The following AFF2 variants were observed in gnomAD, a reference collection of about 807,000 sequenced individuals.
AFF2 encodes AF4/FMR2 family member 2.
A neutral mutation model predicts 76.9 loss-of-function variants in AFF2; 14 were observed. That is an observed-to-expected ratio of 0.18 (90% CI 0.12 to 0.28). The LOEUF is 0.28. Among genes scored for constraint, AFF2 ranks in the 10% least tolerant of loss-of-function variants. AFF2 has a pLI of 1.00. For missense variants in AFF2, 868 were observed against 1,001.1 expected (o/e 0.87, Z 1.79); for synonymous variants, 398 against 366.7 (o/e 1.09, Z -0.98).
intron 1 of AFF2, among the ~76,000 whole-genome samples, chrX:148,513,895 C>T (rs1435592603): frequency 2.7e-5 from 3 of 110,740 alleles, no homozygotes; most frequent in African/African-American, 9.9e-5. Context: ...ATAAATGATA[C>T]GCGAGTCAGG....
At chrX:148,878,293 T>C (rs1175425439) in intron 7 of AFF2, among the ~76,000 whole-genome samples, 1 of 111,983 alleles carries the variant, frequency 8.9e-6, no homozygotes, top group Non-Finnish European at 1.9e-5. Context: ...TTAGACAACC[T>C]TGAATGTTAG....
chrX:148,882,178 TGTC>T (rs1351186868), intron 7 of AFF2, among the ~76,000 whole-genome samples: 6 of 111,799 alleles, frequency 5.4e-5, no homozygotes, highest in African/African-American at 2.0e-4. Context: ...ACATGGGACC[TGTC>T]ATGTCATAGT....
At chrX:148,790,450 A>G (rs1238745223) in intron 3 of AFF2, among the ~76,000 whole-genome samples, 1 of 111,899 alleles carries the variant, frequency 8.9e-6, no homozygotes, top group African/African-American at 3.2e-5. Flanking sequence ...AATGCCCATC[A>G]ATGATAGACT....
At chrX:148,657,916 C>T (rs1272239846) in intron 2 of AFF2, among the ~76,000 whole-genome samples, 1 of 112,055 alleles carries the variant, frequency 8.9e-6, no homozygotes, top group East Asian at 2.8e-4. Flanking sequence ...TAGTATGAAT[C>T]AGAAGTTGCT....
In AFF2 at chrX:148,704,388, A is replaced by ATG. The variant is rs1253836225; in HGVS notation, c.1041+41624_1041+41625dup. Among the ~76,000 whole-genome samples the ATG allele has an allele frequency of 1.7e-3, 81 of 48,298 alleles. 7 individuals carry two copies. The highest frequency in any genetic ancestry group is 4.2e-3 in the African/African-American group (42 of 9,901). 41.9% of individuals were successfully genotyped at this position (48,298 alleles called of 115,157 possible). On this transcript the variant is annotated intron_variant, in intron 3 of 20. Transcript: ENST00000370460. ...TGTGTGTATATATATATTTATATAT[A>ATG]TGTGTAGATATATATTTATATATAT... is the stretch of plus-strand genomic sequence containing the variant.
At chrX:148,881,222 G>A (rs907101544) in intron 7 of AFF2, among the ~76,000 whole-genome samples, 3 of 111,732 alleles carry the variant, frequency 2.7e-5, no homozygotes, top group African/African-American at 6.5e-5. Flanking sequence ...GTGTCCCAAC[G>A]GTTGTTTCTG....
chrX:148,737,011 A>G (rs1465592562), intron 3 of AFF2, among the ~76,000 whole-genome samples: 2 of 111,626 alleles, frequency 1.8e-5, no homozygotes, highest in Non-Finnish European at 3.8e-5. Flanking sequence ...TGTTTTGGTG[A>G]CTATGGCCTT....
At chrX:148,881,342 C>T (rs1307526659) in intron 7 of AFF2, among the ~76,000 whole-genome samples, 3 of 111,519 alleles carry the variant, frequency 2.7e-5, no homozygotes, top group Admixed American at 9.5e-5. Context: ...CCTAAAGACA[C>T]GGTGCTCAAG....
At chrX:148,914,536 G>A (rs2071505960) in intron 9 of AFF2, among the ~76,000 whole-genome samples, 1 of 111,332 alleles carries the variant, frequency 9.0e-6, no homozygotes, top group Non-Finnish European at 1.9e-5. Context: ...ATTATAAGGT[G>A]CTCTTTTTAA....
chrX:148,526,741 A>C (rs190381386), intron 1 of AFF2, among the ~76,000 whole-genome samples: 1 of 111,528 alleles, frequency 9.0e-6, no homozygotes, highest in Admixed American at 9.5e-5. Flanking sequence ...CTCTATTTCT[A>C]TATCTGTTCA....
At chrX:148,863,322 G>C (rs1341821739) in intron 7 of AFF2, among the ~76,000 whole-genome samples, 1 of 111,841 alleles carries the variant, frequency 8.9e-6, no homozygotes, top group Non-Finnish European at 1.9e-5. Flanking sequence ...AAAATGCTGA[G>C]AGGCTGGTAC....
At position 148,956,357 on chromosome X, in the gene AFF2, T is replaced by A; in HGVS notation, c.2312T>A (p.Ile771Asn). The change falls in exon 11 of 21, where the codon ATC becomes AAC. Residue 771 changes from isoleucine (I) to asparagine (N), a missense_variant. Coordinates refer to ENST00000370460, the MANE Select transcript of AFF2 (RefSeq NM_002025.4). ...SSSGSNNNLS[I>N]SNEEPTFSPI... ...AGTGGCAGCAACAACAACTTATCCA[T>A]CAGTAATGAAGAGCCAACATTTTCA... is the stretch of plus-strand genomic sequence containing the variant. 1 of 1,211,471 alleles carries A rather than the reference T, an allele frequency of 8.3e-7. No homozygotes were observed. The highest frequency in any genetic ancestry group is 1.1e-6 in the Non-Finnish European group (1 of 895,470).
chrX:148,636,934 A>G (rs1195141309), intron 1 of AFF2, among the ~76,000 whole-genome samples: 2 of 112,165 alleles, frequency 1.8e-5, no homozygotes, highest in African/African-American at 6.5e-5. Context: ...AAATGACTTC[A>G]TCTTGTAAAA....
chrX:148,984,863 G>A (rs1284822382), intron 19 of AFF2, among the ~76,000 whole-genome samples: 1 of 111,688 alleles, frequency 9.0e-6, no homozygotes, highest in Non-Finnish European at 1.9e-5. Context: ...GCCAAGCAAG[G>A]AGAAGGGATA....
rs1263420069 is a variant in AFF2, at chrX:148,738,062, T to C, written c.1042-71814T>C. Among the ~76,000 whole-genome samples, 4 of 111,332 alleles carry C rather than the reference T, an allele frequency of 3.6e-5. No homozygotes were observed. The East Asian group carries it at 1.1e-3, about 32-fold the overall frequency. ...TTTTAGCATCTATATTCATCAAGGA[T>C]ATCGGTCTGTAGTTTTCTTTTTGGT... On this transcript the variant is annotated intron_variant, in intron 3 of 20. Coordinates refer to ENST00000370460, the MANE Select transcript of AFF2 (RefSeq NM_002025.4).
intron 1 of AFF2, among the ~76,000 whole-genome samples, chrX:148,582,560 C>A (rs2053425977): frequency 8.9e-6 from 1 of 111,748 alleles, no homozygotes; most frequent in Non-Finnish European, 1.9e-5. Flanking sequence ...ATCACATCTG[C>A]TAAAGTAACT....
At chrX:148,713,728 T>C (rs2054995827) in intron 3 of AFF2, among the ~76,000 whole-genome samples, 1 of 111,114 alleles carries the variant, frequency 9.0e-6, no homozygotes, top group African/African-American at 3.3e-5. Context: ...CAATGTGAGG[T>C]AGTCAGTTCT....
intron 3 of AFF2, among the ~76,000 whole-genome samples, chrX:148,762,767 C>T (rs1307546427): frequency 9.0e-6 from 1 of 110,818 alleles, no homozygotes; most frequent in Non-Finnish European, 1.9e-5. Context: ...CTTTGTGACC[C>T]ACTTGGACTA....
intron 4 of AFF2, among the ~76,000 whole-genome samples, chrX:148,836,705 T>C (rs1005170320): frequency 2.7e-5 from 3 of 111,636 alleles, no homozygotes; most frequent in African/African-American, 9.8e-5. Context: ...GAGCATGTGA[T>C]TCAATTATCC....
Sources: allele counts gnomAD v4.1 joint callset (sites outside exome capture counted in the v4.1 genomes callset), GRCh38; gene constraint gnomAD v4.1.1; transcripts MANE v1.5; gene names NCBI Gene and HGNC (gene_info 2026-07-23, HGNC 2026-07-21).